SLC35F1: variants seen among roughly 807,000 people sequenced by gnomAD.
SLC35F1 encodes chromosome 6 open reading frame 169.
SLC35F1 carries 14 observed loss-of-function variants against 48.7 expected under a neutral mutation model. The ratio of observed to expected loss-of-function variants is 0.29; its 90% CI spans 0.19 to 0.45. The LOEUF (loss-of-function observed/expected upper bound fraction) is 0.45. SLC35F1 is among the 20% of genes least tolerant of loss of function. The probability of loss-of-function intolerance (pLI) is 1.00; values close to 1 mark genes in which losing one functional copy is unlikely to be tolerated. For missense variants in SLC35F1, 404 were observed against 500.0 expected (o/e 0.81, Z 1.83); for synonymous variants, 190 against 202.2 (o/e 0.94, Z 0.51).
At position 117,947,988 on chromosome 6, in the gene SLC35F1, AG is replaced by A. The variant is rs560474032; in HGVS notation, c.173+40090del. Among the ~76,000 whole-genome samples the A allele has an allele frequency of 1.6e-4, 24 of 152,332 alleles. 1 individual carries two copies. The East Asian group carries it at 4.4e-3, about 28-fold the overall frequency. On this transcript the variant is annotated intron_variant, in intron 1 of 7. Coordinates refer to ENST00000360388, the MANE Select transcript of SLC35F1 (RefSeq NM_001029858.4). ...TATTAAGAGCTCAAGACGAGGAACC[AG>A]CAAAGAGATTAAGAAGGAGCTATCT...
chr6:118,261,904 G>A (rs1264116064), intron 3 of SLC35F1, among the ~76,000 whole-genome samples: 1 of 152,088 alleles, frequency 6.6e-6, no homozygotes, highest in African/African-American at 2.4e-5. Flanking sequence ...AGGGGAGACA[G>A]CCCCCTAATC....
At chr6:118,004,341 G>C (rs1777146058) in intron 1 of SLC35F1, among the ~76,000 whole-genome samples, 1 of 152,078 alleles carries the variant, frequency 6.6e-6, no homozygotes, top group South Asian at 2.1e-4. Context: ...TTAATATCCA[G>C]AATGTCTGTT....
rs114292259 is a variant in SLC35F1, at chr6:118,264,267, A to T, written c.478-2728A>T. On this transcript the variant is annotated intron_variant, in intron 3 of 7. Transcript: ENST00000360388. ...GCCAGTAGCAACCTTGATTATCTCT[A>T]ATGTCCCTTCTGACAGTCAGTGATA... Among the ~76,000 whole-genome samples, 816 of 152,284 alleles carry T rather than the reference A, an allele frequency of 5.4e-3. 7 individuals are homozygous for T. Among genetic ancestry groups the T allele is most frequent in the African/African-American group, 0.018 (758 of 41,552 alleles).
At chr6:118,176,996 G>A (rs9489313) in intron 2 of SLC35F1, among the ~76,000 whole-genome samples, 15,671 of 151,998 alleles carry the variant, frequency 0.1, 2,533 homozygotes, top group African/African-American at 0.35. Flanking sequence ...CAAGCAGCTA[G>A]TTCTGTATCT....
chr6:118,231,023 A>G (rs1582742155), intron 2 of SLC35F1, among the ~76,000 whole-genome samples: 1 of 152,152 alleles, frequency 6.6e-6, no homozygotes, highest in East Asian at 1.9e-4. Context: ...AACAATATCA[A>G]GATGATCATT....
At chr6:118,299,557 C>A (rs1399415084) in intron 7 of SLC35F1, among the ~76,000 whole-genome samples, 1 of 152,106 alleles carries the variant, frequency 6.6e-6, no homozygotes, top group Non-Finnish European at 1.5e-5. Flanking sequence ...TAGTAATATA[C>A]AAATCACAAG....
chr6:118,005,431 C>T (rs1159787247), intron 1 of SLC35F1, among the ~76,000 whole-genome samples: 1 of 152,088 alleles, frequency 6.6e-6, no homozygotes, highest in Non-Finnish European at 1.5e-5. Context: ...TCTGATGTTA[C>T]CCAAACTGTT....
chr6:118,025,523 G>GTACA, intron 1 of SLC35F1, among the ~76,000 whole-genome samples: 1 of 152,262 alleles, frequency 6.6e-6, no homozygotes, highest in African/African-American at 2.4e-5. Context: ...AAGTCACCAT[G>GTACA]TACAGTCCAC....
chr6:118,114,081 C>T (rs1773444539), intron 1 of SLC35F1, among the ~76,000 whole-genome samples: 1 of 152,100 alleles, frequency 6.6e-6, no homozygotes, highest in Non-Finnish European at 1.5e-5. Flanking sequence ...TTAGTTTTCA[C>T]AAGAGATATA....
intron 1 of SLC35F1, among the ~76,000 whole-genome samples, chr6:118,080,857 C>T (rs961091295): frequency 5.3e-5 from 8 of 152,128 alleles, no homozygotes; most frequent in African/African-American, 1.2e-4. Flanking sequence ...TGTTAACAGT[C>T]GGTGTAAAGA....
At chr6:118,086,196 C>T (rs1772987497) in intron 1 of SLC35F1, among the ~76,000 whole-genome samples, 1 of 152,166 alleles carries the variant, frequency 6.6e-6, no homozygotes, top group South Asian at 2.1e-4. Flanking sequence ...TCTCACAATT[C>T]ACCCATTGGA....
intron 1 of SLC35F1, among the ~76,000 whole-genome samples, chr6:118,121,168 T>A (rs1402087247): frequency 6.6e-6 from 1 of 152,154 alleles, no homozygotes; most frequent in Non-Finnish European, 1.5e-5. Context: ...GATCCCCCAA[T>A]TCACCATGGT....
intron 1 of SLC35F1, among the ~76,000 whole-genome samples, chr6:117,978,882 C>T (rs1343901092): frequency 1.3e-5 from 2 of 152,156 alleles, no homozygotes; most frequent in East Asian, 3.8e-4. Flanking sequence ...AATAAGACAT[C>T]CCATGTTTTA....
At chr6:118,057,030 C>A (rs1289691093) in intron 1 of SLC35F1, among the ~76,000 whole-genome samples, 2 of 151,946 alleles carry the variant, frequency 1.3e-5, no homozygotes, top group Non-Finnish European at 2.9e-5. Context: ...GTGTTCTGGT[C>A]CTAATTTAGT....
chr6:118,004,629 A>G (rs1188577373), intron 1 of SLC35F1, among the ~76,000 whole-genome samples: 1 of 152,148 alleles, frequency 6.6e-6, no homozygotes, highest in Non-Finnish European at 1.5e-5. Context: ...CAGCCTGATC[A>G]TAGCTCACTG....
chr6:118,204,536 C>G (rs205924), intron 2 of SLC35F1, among the ~76,000 whole-genome samples: 41 of 151,952 alleles, frequency 2.7e-4, no homozygotes, highest in Non-Finnish European at 4.4e-4. Flanking sequence ...TTCTGAAATA[C>G]GTACAGCTCT....
chr6:118,042,819 A>G (rs1275451717), intron 1 of SLC35F1, among the ~76,000 whole-genome samples: 2 of 152,186 alleles, frequency 1.3e-5, no homozygotes, highest in Non-Finnish European at 2.9e-5. Flanking sequence ...TTGGTGACCA[A>G]TTGAATGTGG....
At chr6:118,123,863 C>T (rs1773587594) in intron 1 of SLC35F1, among the ~76,000 whole-genome samples, 1 of 152,056 alleles carries the variant, frequency 6.6e-6, no homozygotes, top group Non-Finnish European at 1.5e-5. Flanking sequence ...TGTAGGAGGA[C>T]CTTTAGGAAT....
chr6:118,019,376 T>C (rs1156904359), intron 1 of SLC35F1, among the ~76,000 whole-genome samples: 2 of 152,096 alleles, frequency 1.3e-5, no homozygotes, highest in Non-Finnish European at 2.9e-5. Context: ...TACTAAGATA[T>C]TGATATACGC....
Sources: gnomAD v4.1 joint callset for allele counts (sites outside exome capture counted in the v4.1 genomes callset) on GRCh38, gnomAD v4.1.1 for gene constraint, MANE v1.5 for transcripts, NCBI Gene and HGNC (gene_info 2026-07-23, HGNC 2026-07-21) for gene names.